Variants in FBXW10 observed in about 807,000 individuals in gnomAD.
The protein encoded by FBXW10 is F-box/WD repeat-containing protein 10.
A neutral mutation model predicts 113.1 loss-of-function variants in FBXW10; 68 were observed. That is an observed-to-expected ratio of 0.60 (90% confidence interval 0.49 to 0.74). The LOEUF (loss-of-function observed/expected upper bound fraction) is 0.74. FBXW10 is among the 30% of genes least tolerant of loss of function. FBXW10 has a pLI of 0.00. For synonymous variants in FBXW10, 289 were observed against 481.6 expected (o/e 0.60, Z 5.24); for missense variants, 753 against 1,284.5 (o/e 0.59, Z 6.32).
intron 7 of FBXW10, among the ~76,000 whole-genome samples, chr17:18,759,790 A>AT (rs2035344717): frequency 6.6e-6 from 1 of 151,006 alleles, no homozygotes; most frequent in African/African-American, 2.4e-5. Flanking sequence ...TTTTTTTTGT[A>AT]TTTTTTAGTA....
intron 7 of FBXW10, among the ~76,000 whole-genome samples, chr17:18,759,634 A>G (rs574470468): frequency 3.4e-4 from 49 of 145,958 alleles, no homozygotes; most frequent in African/African-American, 1.2e-3. Flanking sequence ...TTTTTTTGAG[A>G]TGGAGTCTCA....
intron 5 of FBXW10, among the ~76,000 whole-genome samples, chr17:18,752,712 C>CAA (rs113012809): frequency 1.8e-3 from 163 of 91,186 alleles, no homozygotes; most frequent in Middle Eastern, 6.5e-3. Context: ...GATTCCATCT[C>CAA]AAAAAAAAAA....
rs550819237 is a variant in FBXW10 at position 18,744,467 on chromosome 17, A to T, written c.223A>T (p.Asn75Tyr). The part of the protein sequence containing the change: ...NSLYLLHYFQ[N>Y]ILQTTQGKDF... ...CTTATATTTGTTACACTATTTCCAA[A>T]ATATCCTTCAGACCACACAGGGAAA... The change falls in exon 1 of 14, where the codon AAT becomes TAT. Residue 75 changes from asparagine (N) to tyrosine (Y), a missense_variant. Transcript: ENST00000395665. The T allele has an allele frequency of 6.2e-7, 1 of 1,613,822 alleles. No individual in the cohort carries two copies. The highest frequency in any genetic ancestry group is 8.5e-7 in the Non-Finnish European group (1 of 1,179,844).
chr17:18,769,466 T>A (rs1247137130), intron 10 of FBXW10: 1 of 154,646 alleles, frequency 6.5e-6, no homozygotes, highest in Non-Finnish European at 1.4e-5. Context: ...AAGCTCACGG[T>A]TTACTTCCAC....
intron 7 of FBXW10, among the ~76,000 whole-genome samples, chr17:18,759,862 G>A (rs183073041): frequency 2.4e-4 from 36 of 152,138 alleles, no homozygotes; most frequent in Non-Finnish European, 1.3e-4. Flanking sequence ...TGATCCACCC[G>A]CCTCGGCCTC....
At chr17:18,775,008 A>G (rs2035676887) in intron 12 of FBXW10, 128 bp from the exon 13 acceptor site, 1 of 630,844 alleles carries the variant, frequency 1.6e-6, no homozygotes, top group Admixed American at 2.9e-5. Context: ...TGTACCCATA[A>G]AAAACAAGAT....
chr17:18,756,354 T>G (rs560629629), intron 6 of FBXW10, among the ~76,000 whole-genome samples, 200 bp downstream of exon 6: 5 of 152,406 alleles, frequency 3.3e-5, no homozygotes, highest in Non-Finnish European at 7.3e-5. Flanking sequence ...AAGGACACTT[T>G]CCCTTTCTAA....
intron 4 of FBXW10, 45 bp downstream of exon 4, chr17:18,750,182 A>C: frequency 1.3e-6 from 2 of 1,555,028 alleles, no homozygotes; most frequent in Non-Finnish European, 1.8e-6. Flanking sequence ...GACCAGCTTC[A>C]TTTTCGTGTT....
intron 1 of FBXW10, among the ~76,000 whole-genome samples, chr17:18,746,725 G>A (rs2035044296): frequency 6.6e-6 from 1 of 152,084 alleles, no homozygotes; most frequent in African/African-American, 2.4e-5. Flanking sequence ...CACCCACCAC[G>A]TGGGCTGAAA....
In FBXW10 at chr17:18,772,393, C is replaced by A; in HGVS notation, c.2007-19C>A. ...CCTCCACAGTCCTTTTGTGGACAAC[C>A]CTGTTGTTTCGGTTCCAGGATGGTG... is the stretch of plus-strand genomic sequence containing the variant. On this transcript the variant is annotated intron_variant, in intron 11 of 13. Coordinates refer to ENST00000395665, the MANE Select transcript of FBXW10 (RefSeq NM_001267585.2). 3 of 1,608,420 alleles carry A rather than the reference C, an allele frequency of 1.9e-6. No individual in the cohort carries two copies. Among genetic ancestry groups the A allele is most frequent in the Non-Finnish European group, 2.5e-6 (3 of 1,177,034 alleles).
chr17:18,769,942 G>A lies in FBXW10; in HGVS notation c.1863G>A (p.Val621=), dbSNP rs764386817. Residue 621 remains valine, a synonymous_variant, in exon 11 of 14, where the codon GTG becomes GTA. Coordinates refer to ENST00000395665, the MANE Select transcript of FBXW10 (RefSeq NM_001267585.2). ...AFKHPKEVLD[V]SLLFLRVISA... is the part of the protein sequence containing the mutation. ...TCCCTTCCAGGGAGGTGCTCGACGT[G>A]TCCCTTCTCTTCCTCCGGGTCATCA... 6.2e-7 allele frequency: 1 copy of A among 1,614,164 alleles called. No homozygotes were observed. The highest frequency in any genetic ancestry group is 1.1e-5 in the South Asian group (1 of 91,080).
chr17:18,772,861 A>G (rs1432732192), intron 12 of FBXW10, among the ~76,000 whole-genome samples, 178 bp downstream of exon 12: 1 of 152,162 alleles, frequency 6.6e-6, no homozygotes, highest in Non-Finnish European at 1.5e-5. Context: ...CTGATCCACT[A>G]AACAATTTAT....
At chr17:18,768,721 CT>C in intron 10 of FBXW10, 45 bp downstream of exon 10, 2 of 1,605,934 alleles carry the variant, frequency 1.2e-6, no homozygotes, top group Non-Finnish European at 8.5e-7. Flanking sequence ...GTGTCCTTCC[CT>C]TCCCCGTCAT....
chr17:18,751,293 T>C (rs2035165432), intron 5 of FBXW10, among the ~76,000 whole-genome samples: 1 of 151,892 alleles, frequency 6.6e-6, no homozygotes, highest in Non-Finnish European at 1.5e-5. Flanking sequence ...TGGCACAATC[T>C]TGGCTCACTG....
intron 12 of FBXW10, among the ~76,000 whole-genome samples, chr17:18,773,228 C>T (rs2151830958): frequency 6.6e-6 from 1 of 152,168 alleles, no homozygotes; most frequent in East Asian, 1.9e-4. Flanking sequence ...CCACCGTGCC[C>T]GGCCTGCAAG....
At position 18,750,042 on chromosome 17, in the gene FBXW10, G is replaced by T; in HGVS notation, c.904G>T (p.Ala302Ser). The T allele has an allele frequency of 6.2e-7, 1 of 1,613,686 alleles. No homozygotes were observed. Reference protein sequence around the residue: ...MLDRHTLNKCASVSQHWAAMA... With the variant: ...MLDRHTLNKCSSVSQHWAAMA... ...GGATAGACACACCCTGAACAAGTGC[G>T]CCTCTGTGAGCCAGCACTGGGCCGC... The change falls in exon 4 of 14, where the codon GCC (alanine) becomes TCC (serine). Residue 302 changes from alanine (A) to serine (S), a missense_variant. Coordinates refer to ENST00000395665, the MANE Select transcript of FBXW10 (RefSeq NM_001267585.2).
intron 7 of FBXW10, among the ~76,000 whole-genome samples, chr17:18,762,612 A>G (rs188258233): frequency 3.3e-5 from 5 of 152,042 alleles, no homozygotes; most frequent in African/African-American, 9.7e-5. Flanking sequence ...ATGAGCCACC[A>G]CGCCCGGCCG....
Position 18,768,693 on chromosome 17 carries a change from C to T in FBXW10, c.1847+17C>T. 2.5e-6 allele frequency: 4 copies of T among 1,613,286 alleles called. No homozygotes were observed. The highest frequency in any genetic ancestry group is 3.4e-6 in the Non-Finnish European group (4 of 1,179,542). ...GCATCCCAAGTAGGTGCCTGTGAAG[C>T]CCGGAGCGATGAACCTGGTGTCCTT... On this transcript the variant is annotated intron_variant, in intron 10 of 13. Transcript: ENST00000395665.
At chr17:18,766,681 T>G in intron 8 of FBXW10, 33 bp from the exon 9 acceptor site, 1 of 1,607,436 alleles carries the variant, frequency 6.2e-7, no homozygotes, top group Non-Finnish European at 8.5e-7. Context: ...TTTTCCCCAC[T>G]CCCATGTCTT....
Sources: gnomAD v4.1 joint callset for allele counts (sites outside exome capture counted in the v4.1 genomes callset) on GRCh38, gnomAD v4.1.1 for gene constraint, MANE v1.5 for transcripts, NCBI Gene and HGNC (gene_info 2026-07-23, HGNC 2026-07-21) for gene names.